Variants in ADGRF4 observed in about 807,000 individuals in gnomAD.
ADGRF4 encodes the protein adhesion G protein-coupled receptor F4.
Under a neutral mutation model 58.5 loss-of-function variants are expected in ADGRF4, and 63 were observed. The observed-to-expected ratio is 1.08, with a 90% CI of 0.88 to 1.33. The LOEUF (loss-of-function observed/expected upper bound fraction) is 1.33, where lower values mean the gene tolerates loss of function less well. ADGRF4 is among the 40% of genes most tolerant of loss of function. ADGRF4 has a pLI of 0.00. For synonymous variants in ADGRF4, 313 were observed against 295.4 expected, an observed-to-expected ratio of 1.06 and a Z score of -0.61; for missense variants, 931 against 843.9, an observed-to-expected ratio of 1.10 and a Z score of -1.28.
rs983350343 is a variant in ADGRF4, at chr6:47,722,008, C to T, written c.*803C>T. ...TTTTAGACATAAACGAATATATGTACCTTTCACAACTTGCGCATGTGTGAG... is the reference window on the plus strand; with the variant it reads ...TTTTAGACATAAACGAATATATGTATCTTTCACAACTTGCGCATGTGTGAG... On this transcript the variant is annotated 3_prime_UTR_variant, in exon 10 of 10. Coordinates refer to ENST00000283303, the MANE Select transcript of ADGRF4 (RefSeq NM_153838.5). The T allele has an allele frequency of 1.3e-5, 2 of 152,098 alleles. No individual in the cohort carries two copies. The highest frequency in any genetic ancestry group is 2.9e-5 in the Non-Finnish European group (2 of 68,026). The allele number at this position is 152,098 out of a possible 1,614,324, so 9.4% of individuals were successfully genotyped here. A position where few individuals can be genotyped will look rare whatever the true frequency, so the allele number is the denominator to read the frequency against.
intron 1 of ADGRF4, among the ~76,000 whole-genome samples, chr6:47,699,903 T>TACACACACACACACAC (rs138771559): frequency 6.8e-6 from 1 of 146,466 alleles, no homozygotes; most frequent in African/African-American, 2.5e-5. Flanking sequence ...CACACACACA[T>TACACACACACACACAC]ACACACACAC....
chr6:47,717,219 A>C, intron 7 of ADGRF4, 73 bp from the exon 8 acceptor site: 1 of 1,066,416 alleles, frequency 9.4e-7, no homozygotes, highest in Non-Finnish European at 1.5e-6. Context: ...CTGGTCTTAA[A>C]GTTTCAGGAC....
Position 47,714,887 on chromosome 6 carries a change from G to T in ADGRF4, c.1642G>T (p.Ala548Ser), listed in dbSNP as rs1006316312. Residue 548 changes from alanine (A) to serine (S), a missense_variant, in exon 6 of 10, where the codon GCC becomes TCC. Ala to Ser is a moderately conservative substitution (Grantham distance 99). Transcript: ENST00000283303. ...EPEKGYMRPEACWLNWDNTKA... is the reference protein window; with the variant it reads ...EPEKGYMRPESCWLNWDNTKA... ...AGAGAAAGGCTACATGAGACCTGAG[G>T]CCTGTTGGCTTAACTGGGACAATAC... is the stretch of plus-strand genomic sequence containing the variant. 3 of 1,610,270 alleles carry T rather than the reference G, an allele frequency of 1.9e-6. No homozygotes were observed. The highest frequency in any genetic ancestry group is 1.1e-5 in the South Asian group (1 of 91,040).
intron 6 of ADGRF4, among the ~76,000 whole-genome samples, chr6:47,716,596 A>C (rs1235045998): frequency 6.6e-6 from 1 of 152,192 alleles, no homozygotes; most frequent in African/African-American, 2.4e-5. Context: ...ACCCTCCTGC[A>C]CATTCCTTTG....
chr6:47,715,189 G>T lies in ADGRF4; in HGVS notation c.1932+12G>T. 1 of 1,550,120 alleles carries T rather than the reference G, an allele frequency of 6.5e-7. No individual in the cohort carries two copies. The highest frequency in any genetic ancestry group is 8.8e-7 in the Non-Finnish European group (1 of 1,142,022). On this transcript the variant is annotated intron_variant, in intron 6 of 9. Coordinates refer to ENST00000283303, the MANE Select transcript of ADGRF4 (RefSeq NM_153838.5). ...TCAATGCTTTCCAGGTAAGTTCCAA[G>T]AGGGAGACTTTTCTGTGTTACTCCG...
In ADGRF4 at chr6:47,712,755, C is replaced by T. The variant is rs543107468; in HGVS notation, c.552+147C>T. On this transcript the variant is annotated intron_variant, in intron 5 of 9. Transcript: ENST00000283303. ...TTCACTTCGGTTTGGGATATTGATT[C>T]ATTATAGTTTATGGAGGTTTTCAAG... is the stretch of plus-strand genomic sequence containing the variant. 67 of 635,396 alleles carry T rather than the reference C, an allele frequency of 1.1e-4. No individual in the cohort carries two copies. The East Asian group carries it at 1.6e-3, about 16-fold the overall frequency. The allele number at this position is 635,396 out of a possible 1,614,324, so 39.4% of individuals were successfully genotyped here.
At chr6:47,701,044 A>C (rs1928464) in intron 1 of ADGRF4, among the ~76,000 whole-genome samples, 31,362 of 152,154 alleles carry the variant, frequency 0.21, 3,428 homozygotes, top group African/African-American at 0.25. Flanking sequence ...GAATTTAGGC[A>C]GCGGTGTGAA....
chr6:47,716,845 A>C lies in ADGRF4; in HGVS notation c.1972A>C (p.Lys658Gln). Residue 658 changes from lysine (K) to glutamine (Q), a missense_variant and splice_region_variant, in exon 7 of 10, where the codon AAG becomes CAG. Lys to Gln is a moderately conservative substitution (Grantham distance 53, BLOSUM62 1). Transcript: ENST00000283303. ...GCTGTTTGGAACCATTATGGATCAC[A>C]AGGTAATTTGAATTTGCTTCCTCCT... The part of the protein sequence containing the change: ...ILLFGTIMDH[K>Q]IRDALRMRMS... 1 of 1,595,396 alleles carries C rather than the reference A, an allele frequency of 6.3e-7. No homozygotes were observed. Among genetic ancestry groups the C allele is most frequent in the East Asian group, 2.2e-5 (1 of 44,806 alleles).
chr6:47,718,817 G>A (rs980126775), intron 9 of ADGRF4, among the ~76,000 whole-genome samples: 2 of 152,176 alleles, frequency 1.3e-5, no homozygotes, highest in African/African-American at 4.8e-5. Flanking sequence ...TAATGAAGTG[G>A]AACCCAGAAT....
intron 3 of ADGRF4, 83 bp from the exon 4 acceptor site, chr6:47,710,652 A>G (rs1771837724): frequency 3.5e-6 from 5 of 1,419,990 alleles, no homozygotes; most frequent in Non-Finnish European, 4.8e-6. Flanking sequence ...AAAAATCTCC[A>G]GAATGAATTT....
intron 4 of ADGRF4, among the ~76,000 whole-genome samples, chr6:47,711,162 G>T (rs187472740): frequency 6.6e-6 from 1 of 151,610 alleles, no homozygotes; most frequent in Non-Finnish European, 1.5e-5. Flanking sequence ...TTGTGTATAT[G>T]ATTGCTTAGA....
Position 47,717,292 on chromosome 6 carries a change from A to C in ADGRF4, c.1975A>C (p.Ile659Leu). 6.2e-7 allele frequency: 1 copy of C among 1,605,822 alleles called. No individual in the cohort carries two copies. Among genetic ancestry groups the C allele is most frequent in the South Asian group, 1.1e-5 (1 of 90,952 alleles). Residue 659 changes from isoleucine (I) to leucine (L), a missense_variant and splice_region_variant, in exon 8 of 10, where the codon ATA becomes CTA. Transcript: ENST00000283303. ...CTTCTCATTGTCATTGCTTCTTTAGATAAGAGATGCTTTGAGGATGAGGAT... is the reference window on the plus strand; with the variant it reads ...CTTCTCATTGTCATTGCTTCTTTAGCTAAGAGATGCTTTGAGGATGAGGAT... ...LLFGTIMDHK[I>L]RDALRMRMSS...
intron 7 of ADGRF4, 84 bp downstream of exon 7, chr6:47,716,931 C>T: frequency 1.1e-6 from 1 of 921,078 alleles, no homozygotes; most frequent in Non-Finnish European, 1.8e-6. Context: ...GATTGGAGAG[C>T]ATACTCCAGG....
intron 6 of ADGRF4, among the ~76,000 whole-genome samples, chr6:47,716,234 A>G (rs1435707475): frequency 6.6e-6 from 1 of 152,084 alleles, no homozygotes; most frequent in South Asian, 2.1e-4. Context: ...TTTTAATCTG[A>G]TGAGTGTTTC....
At chr6:47,700,498 G>C (rs926317001) in intron 1 of ADGRF4, among the ~76,000 whole-genome samples, 4 of 152,188 alleles carry the variant, frequency 2.6e-5, no homozygotes, top group Non-Finnish European at 5.9e-5. Context: ...GAACAGCTGG[G>C]GTCATCTGGG....
At chr6:47,707,894 A>C (rs1325096965) in intron 2 of ADGRF4, among the ~76,000 whole-genome samples, 1 of 152,222 alleles carries the variant, frequency 6.6e-6, no homozygotes, top group Admixed American at 6.5e-5. Flanking sequence ...TAATACAGGC[A>C]GAGAACAGAT....
At chr6:47,701,739 A>T (rs1047851979) in intron 1 of ADGRF4, among the ~76,000 whole-genome samples, 2 of 152,246 alleles carry the variant, frequency 1.3e-5, no homozygotes, top group African/African-American at 2.4e-5. Flanking sequence ...GTGTAGCCTA[A>T]GTCTGGATAG....
rs143358337 is a variant in ADGRF4 at position 47,715,141 on chromosome 6, G to T, written c.1896G>T (p.Thr632=). 14 of 1,592,554 alleles carry T rather than the reference G, an allele frequency of 8.8e-6. No individual in the cohort carries two copies. In the East Asian group the frequency reaches 3.2e-4, roughly 36 times the overall value. The part of the protein sequence containing the change: ...IATLIEGTSL[T]FHIIFALLNA... The stretch of plus-strand genomic sequence containing the variant: ...CTCTCATAGAAGGCACTTCCTTGAC[G>T]TTCCATATAATTTTTGCCTTGCTCA... Residue 632 remains threonine (T), a synonymous_variant, in exon 6 of 10, where the codon ACG becomes ACT. Coordinates refer to ENST00000283303, the MANE Select transcript of ADGRF4 (RefSeq NM_153838.5).
At chr6:47,716,774 A>G in intron 6 of ADGRF4, 32 bp from the exon 7 acceptor site, 1 of 1,557,430 alleles carries the variant, frequency 6.4e-7, no homozygotes, top group Non-Finnish European at 8.8e-7. Context: ...TTGAAAAACC[A>G]TCCCTCATGA....
Sources: gnomAD v4.1 joint callset for allele counts (sites outside exome capture counted in the v4.1 genomes callset) on GRCh38, gnomAD v4.1.1 for gene constraint, MANE v1.5 for transcripts, NCBI Gene and HGNC (gene_info 2026-07-23, HGNC 2026-07-21) for gene names.